EPHA5: variants seen among roughly 807,000 people sequenced by gnomAD.
EPHA5 encodes the protein ephrin type-A receptor 5.
EPHA5 carries 60 observed loss-of-function variants against 105.0 expected under a neutral mutation model. The observed-to-expected ratio is 0.57, with a 90% CI of 0.46 to 0.71. EPHA5 has a LOEUF of 0.71. Ranked by LOEUF, EPHA5 falls within the 30% of genes least tolerant of loss-of-function variation. The pLI, the probability that EPHA5 is intolerant of heterozygous loss-of-function variation, is 0.00. For synonymous variants in EPHA5, 513 were observed against 449.1 expected (o/e 1.14, Z -1.80); for missense variants, 1,218 against 1,274.7 (o/e 0.96, Z 0.68).
chr4:65,466,513 T>A (rs1578181077), intron 5 of EPHA5, among the ~76,000 whole-genome samples: 1 of 152,086 alleles, frequency 6.6e-6, no homozygotes, highest in South Asian at 2.1e-4. Context: ...TTTAAAGAGA[T>A]CCCTGTGGCT....
At position 65,574,154 on chromosome 4, in the gene EPHA5, G is replaced by A. The variant is rs538931885; in HGVS notation, c.910+27487C>T. On this transcript the variant is annotated intron_variant, in intron 3 of 16. Transcript: ENST00000613740. ...GGAAGCCCAGACACCAGGAAGGTGA[G>A]ATCTTCGACACAGAAAAAGGGAAAT... is the stretch of plus-strand genomic sequence containing the variant. 54 of 1,607,354 alleles carry A rather than the reference G, an allele frequency of 3.4e-5. No homozygotes were observed. The African/African-American group carries it at 6.5e-4, about 19-fold the overall frequency.
At chr4:65,417,976 A>C (rs1723555100) in intron 6 of EPHA5, among the ~76,000 whole-genome samples, 1 of 152,184 alleles carries the variant, frequency 6.6e-6, no homozygotes, top group Non-Finnish European at 1.5e-5. Context: ...CAAGGACAAA[A>C]AAGAAAGCCA....
intron 7 of EPHA5, among the ~76,000 whole-genome samples, chr4:65,412,124 A>G (rs1722968925): frequency 6.6e-6 from 1 of 152,112 alleles, no homozygotes; most frequent in Non-Finnish European, 1.5e-5. Context: ...GCTACTTGAG[A>G]GGCTGAGTCA....
intron 5 of EPHA5, among the ~76,000 whole-genome samples, chr4:65,428,350 T>G (rs1340125231): frequency 2.0e-5 from 3 of 152,138 alleles, no homozygotes; most frequent in African/African-American, 4.8e-5. Flanking sequence ...CTTCTTACTG[T>G]GTTGTCATTT....
At chr4:65,426,705 A>T (rs548439334) in intron 5 of EPHA5, among the ~76,000 whole-genome samples, 6 of 152,318 alleles carry the variant, frequency 3.9e-5, no homozygotes, top group African/African-American at 1.4e-4. Context: ...AGTCGAATCA[A>T]TTATTGCATG....
chr4:65,657,644 T>C (rs1263839001), intron 1 of EPHA5, among the ~76,000 whole-genome samples: 1 of 152,136 alleles, frequency 6.6e-6, no homozygotes, highest in African/African-American at 2.4e-5. Context: ...CTGAACTCTA[T>C]TGGTTATGGA....
chr4:65,424,675 T>C (rs1160556400), intron 5 of EPHA5, among the ~76,000 whole-genome samples: 2 of 152,078 alleles, frequency 1.3e-5, no homozygotes, highest in Admixed American at 1.3e-4. Context: ...TTCTCTGAAC[T>C]TGGCACTGCT....
intron 5 of EPHA5, among the ~76,000 whole-genome samples, chr4:65,455,917 C>A (rs951712272): frequency 2.6e-5 from 4 of 152,244 alleles, no homozygotes; most frequent in Admixed American, 2.6e-4. Flanking sequence ...AAAACTGAGT[C>A]CCAAACTCGT....
chr4:65,421,894 T>C (rs1227824545), intron 5 of EPHA5, among the ~76,000 whole-genome samples: 1 of 152,098 alleles, frequency 6.6e-6, no homozygotes, highest in Non-Finnish European at 1.5e-5. Flanking sequence ...CAAAACTGAA[T>C]TTGTCTCATA....
intron 3 of EPHA5, among the ~76,000 whole-genome samples, chr4:65,529,854 G>A (rs1185932255): frequency 6.6e-6 from 1 of 151,854 alleles, no homozygotes; most frequent in Non-Finnish European, 1.5e-5. Context: ...AGTTCTGGTG[G>A]GTGTTGTTAT....
At chr4:65,396,272 A>G (rs1055405341) in intron 8 of EPHA5, among the ~76,000 whole-genome samples, 9 of 152,222 alleles carry the variant, frequency 5.9e-5, no homozygotes, top group African/African-American at 2.2e-4. Flanking sequence ...TTAGGGTCCT[A>G]GTTCCCTTTT....
chr4:65,611,154 C>G (rs1490224212), intron 2 of EPHA5, among the ~76,000 whole-genome samples: 1 of 152,088 alleles, frequency 6.6e-6, no homozygotes, highest in Non-Finnish European at 1.5e-5. Context: ...TATATGCACA[C>G]ATGGGCACAC....
intron 3 of EPHA5, among the ~76,000 whole-genome samples, chr4:65,525,646 A>G (rs533512629): frequency 2.0e-5 from 3 of 152,056 alleles, no homozygotes; most frequent in Admixed American, 1.3e-4. Flanking sequence ...ACTTTCTCAA[A>G]TGAAAAACAT....
chr4:65,629,576 G>A (rs1253655521), intron 2 of EPHA5, among the ~76,000 whole-genome samples: 1 of 151,950 alleles, frequency 6.6e-6, no homozygotes, highest in Non-Finnish European at 1.5e-5. Context: ...CCAATTTTGG[G>A]GAATAAAATA....
chr4:65,330,763 A>G, intron 16 of EPHA5: 1 of 1,022,380 alleles, frequency 9.8e-7, no homozygotes, highest in Non-Finnish European at 1.2e-6. Flanking sequence ...ATATAGCACA[A>G]ATGGGTTCCT....
At chr4:65,518,525 T>C (rs1442712383) in intron 3 of EPHA5, among the ~76,000 whole-genome samples, 11 of 151,956 alleles carry the variant, frequency 7.2e-5, no homozygotes, top group Admixed American at 4.6e-4. Flanking sequence ...TACATCCAAA[T>C]TGGGCAGTAT....
intron 16 of EPHA5, chr4:65,331,271 A>T (rs559336727): frequency 9.7e-7 from 1 of 1,029,810 alleles, no homozygotes; most frequent in East Asian, 5.8e-5. Flanking sequence ...TAAAACAACC[A>T]CATGTACAGA....
chr4:65,501,704 A>G lies in EPHA5; in HGVS notation c.911-6161T>C, dbSNP rs1396982401. 2.6e-5 allele frequency among the ~76,000 whole-genome samples: 4 copies of G among 151,740 alleles called. No individual in the cohort carries two copies. In the East Asian group the frequency reaches 7.7e-4, roughly 29 times the overall value. On this transcript the variant is annotated intron_variant, in intron 3 of 16. Coordinates refer to ENST00000613740, the MANE Select transcript of EPHA5 (RefSeq NM_001281766.3). ...CAAACCAATGTACAGATTCAATACTATTTCTATTAAACTACTGATATCATT... is the reference window on the plus strand; with the variant it reads ...CAAACCAATGTACAGATTCAATACTGTTTCTATTAAACTACTGATATCATT...
chr4:65,417,160 TCATCACACG>T lies in EPHA5; in HGVS notation c.1528-2726_1528-2718del, dbSNP rs1723465370. 2.6e-5 allele frequency among the ~76,000 whole-genome samples: 4 copies of T among 152,156 alleles called. No homozygotes were observed. In the South Asian group the frequency reaches 8.3e-4, roughly 31 times the overall value. On this transcript the variant is annotated intron_variant, in intron 6 of 16. Transcript: ENST00000613740. ...TAATTAAGAGATGGCAATGAGCCCA[TCATCACACG>T]GTAGCAGAGAAGCCCAATGACCTCT...
Sources: allele counts gnomAD v4.1 joint callset (sites outside exome capture counted in the v4.1 genomes callset), GRCh38; gene constraint gnomAD v4.1.1; transcripts MANE v1.5; gene names NCBI Gene and HGNC (gene_info 2026-07-23, HGNC 2026-07-21).